CIITA: variants seen among roughly 807,000 people sequenced by gnomAD.
CIITA encodes MHC class II transactivator.
In CIITA, 72 loss-of-function variants were observed where a neutral mutation model predicts 115.1. The ratio of observed to expected loss-of-function variants is 0.63; its 90% confidence interval spans 0.52 to 0.76. CIITA has a LOEUF of 0.76. CIITA is among the 30% of genes least tolerant of loss of function. The pLI is 0.00. For missense variants in CIITA, 1,617 were observed against 1,463.8 expected, an observed-to-expected ratio of 1.10 and a Z score of -1.71; for synonymous variants, 763 against 635.6, an observed-to-expected ratio of 1.20 and a Z score of -3.02.
upstream of CIITA, among the ~76,000 whole-genome samples, chr16:10,876,172 A>C (rs942889050): frequency 2.6e-5 from 4 of 151,992 alleles, no homozygotes; most frequent in South Asian, 8.3e-4. Context: ...AAACAAAAAC[A>C]AACAAAAAAA....
At chr16:10,866,550 C>A (rs1468454028) in intron 1 of CIITA, 1 of 547,260 alleles carries the variant, frequency 1.8e-6, no homozygotes, top group South Asian at 1.4e-5. Context: ...CCGAGAGGGG[C>A]CCCGGCCACA....
chr16:10,889,437 G>C (rs2037313343), intron 1 of CIITA, among the ~76,000 whole-genome samples: 1 of 152,086 alleles, frequency 6.6e-6, no homozygotes, highest in African/African-American at 2.4e-5. Flanking sequence ...TCCTTTGACT[G>C]TAGGCTTCCC....
Position 10,906,535 on chromosome 16 carries a change from C to G in CIITA, c.1043C>G (p.Thr348Arg), listed in dbSNP as rs757559019. ...VEQFYRSLQD[T>R]YGAEPAGPDG... ...CAGTTCTACCGCTCACTGCAGGACA[C>G]GTATGGTGCCGAGCCCGCAGGCCCG... Residue 348 changes from threonine (T) to arginine (R), a missense_variant, in exon 11 of 20, where the codon ACG (threonine) becomes AGG (arginine). Thr to Arg is a moderately conservative substitution (Grantham distance 71). Coordinates refer to ENST00000324288, the MANE Select transcript of CIITA (RefSeq NM_000246.4). 10 of 1,612,382 alleles carry G rather than the reference C, an allele frequency of 6.2e-6. No individual in the cohort carries two copies. The Admixed American group carries it at 1.2e-4, about 19-fold the overall frequency.
intron 13 of CIITA, among the ~76,000 whole-genome samples, chr16:10,912,954 A>G (rs2039682881): frequency 1.3e-5 from 2 of 152,262 alleles, no homozygotes; most frequent in Non-Finnish European, 2.9e-5. Context: ...CTGTCAAATC[A>G]GGGTTCTTAG....
In CIITA at chr16:10,934,270, T is replaced by C. The variant is rs927161704; in HGVS notation, c.*10415T>C. The C allele has an allele frequency of 6.6e-6, 1 of 152,302 alleles. No homozygotes were observed. Among genetic ancestry groups the C allele is most frequent in the Non-Finnish European group, 1.5e-5 (1 of 68,034 alleles). The allele number at this position is 152,302 out of a possible 1,614,324, so 9.4% of individuals were successfully genotyped here. On this transcript the variant is annotated 3_prime_UTR_variant, in exon 20 of 20. Transcript: ENST00000324288. This position sits in a 1 kb window ranked among gnomAD's most constrained non-coding sequence, Gnocchi z 4.2. ...TTTTAAACCAATGTACTTTTTAAAC[T>C]CCAATTTTTTAATAAGATCATTTAT...
intron 1 of CIITA, among the ~76,000 whole-genome samples, chr16:10,866,961 T>C (rs763174959): frequency 6.6e-6 from 1 of 151,866 alleles, no homozygotes; most frequent in Admixed American, 6.6e-5. Flanking sequence ...ATGAGAGAAA[T>C]GGGGCCGGGT....
At chr16:10,898,851 A>C in intron 4 of CIITA, 74 bp from the exon 5 acceptor site, 1 of 1,589,924 alleles carries the variant, frequency 6.3e-7, no homozygotes, top group East Asian at 2.2e-5. Flanking sequence ...CCTCTCCCCA[A>C]GGTGGGTACA....
chr16:10,871,518 T>G (rs997540759), intron 1 of CIITA, among the ~76,000 whole-genome samples: 7 of 152,218 alleles, frequency 4.6e-5, no homozygotes, highest in African/African-American at 1.7e-4. Context: ...GTCTCAGTTC[T>G]AGGAATGACA....
upstream of CIITA, among the ~76,000 whole-genome samples, chr16:10,877,004 T>G (rs899551787): frequency 3.3e-5 from 5 of 152,148 alleles, no homozygotes; most frequent in Non-Finnish European, 7.4e-5. Context: ...CTTCACCAAA[T>G]TCAGTCCACA....
chr16:10,908,603 C>CCCTG, intron 11 of CIITA: 1 of 423,412 alleles, frequency 2.4e-6, no homozygotes. Context: ...TGTATCCCAT[C>CCCTG]CCTGCTTACA....
Position 10,942,109 on chromosome 16 carries a change from G to T in CIITA, n.1235G>T. On this transcript the variant is annotated non_coding_transcript_exon_variant, in exon 2 of 2. Transcript: ENST00000573379. This position sits in a 1 kb window ranked among gnomAD's most constrained non-coding sequence, Gnocchi z 5.0. ...CAGCGCAGCCATCCAGGGGTACCCT[G>T]GAGCCCGACAGAAGCAGGGCCGGGC... 1 of 915,454 alleles carries T rather than the reference G, an allele frequency of 1.1e-6. No homozygotes were observed. Among genetic ancestry groups the T allele is most frequent in the East Asian group, 3.6e-5 (1 of 28,136 alleles). The allele number at this position is 915,454 out of a possible 1,614,324, so 56.7% of individuals were successfully genotyped here.
upstream of CIITA, among the ~76,000 whole-genome samples, chr16:10,876,025 C>A (rs1226960635): frequency 6.6e-6 from 1 of 152,018 alleles, no homozygotes; most frequent in Non-Finnish European, 1.5e-5. Context: ...TGGCAGGTGC[C>A]TGTAATCCCA....
intron 11 of CIITA, chr16:10,908,457 C>G (rs974295641): frequency 6.0e-6 from 3 of 500,400 alleles, no homozygotes; most frequent in Admixed American, 3.1e-5. Context: ...CTTTCCACCC[C>G]CTGAGCACGC....
Position 10,923,247 on chromosome 16 carries a change from C to T in CIITA, c.3337C>T (p.Pro1113Ser). Residue 1113 changes from proline (P) to serine (S), a missense_variant, in exon 19 of 20, where the codon CCA becomes TCA. Coordinates refer to ENST00000324288, the MANE Select transcript of CIITA (RefSeq NM_000246.4). The surrounding 1 kb of genome is among the most constrained non-coding windows in gnomAD (Gnocchi z 5.2). The stretch of plus-strand genomic sequence containing the variant: ...TTGCAGGATGTGGACGCCCACCATC[C>T]CATTCAGTGTCCAGGAACACCTGCA... ...ETLAMWTPTI[P>S]FSVQEHLQQQ... 2.5e-6 allele frequency: 4 copies of T among 1,613,580 alleles called. No individual in the cohort carries two copies. The highest frequency in any genetic ancestry group is 3.4e-6 in the Non-Finnish European group (4 of 1,179,978).
intron 1 of CIITA, among the ~76,000 whole-genome samples, chr16:10,880,351 C>T (rs1365375573): frequency 6.6e-6 from 1 of 152,208 alleles, no homozygotes; most frequent in Non-Finnish European, 1.5e-5. Context: ...TCCCAGGTGA[C>T]TCCAATGTTC....
chr16:10,911,949 C>T (rs1000054947), intron 13 of CIITA, among the ~76,000 whole-genome samples: 1 of 152,186 alleles, frequency 6.6e-6, no homozygotes, highest in African/African-American at 2.4e-5. Context: ...GTACAAATGG[C>T]AATGCTGAGA....
At chr16:10,912,858 G>C (rs1198597658) in intron 13 of CIITA, among the ~76,000 whole-genome samples, 1 of 152,218 alleles carries the variant, frequency 6.6e-6, no homozygotes, top group Non-Finnish European at 1.5e-5. Context: ...AGGAGGTTCT[G>C]AGGAAGGAAG....
chr16:10,903,386 C>G (rs78372326), intron 8 of CIITA, among the ~76,000 whole-genome samples: 8,600 of 152,198 alleles, frequency 0.057, 327 homozygotes, highest in Non-Finnish European at 0.083. Flanking sequence ...AAGACAGTTT[C>G]AGTATAACGC....
intron 10 of CIITA, among the ~76,000 whole-genome samples, chr16:10,905,042 G>C (rs890975147): frequency 2.0e-5 from 3 of 152,146 alleles, no homozygotes; most frequent in African/African-American, 7.2e-5. Flanking sequence ...CCTGCACTGG[G>C]TGTTAACACT....
Sources: gnomAD v4.1 joint callset for allele counts (sites outside exome capture counted in the v4.1 genomes callset) on GRCh38, gnomAD v4.1.1 for gene constraint, Gnocchi (gnomAD v3.1) non-coding constraint, MANE v1.5 for transcripts, NCBI Gene and HGNC (gene_info 2026-07-23, HGNC 2026-07-21) for gene names.